The following LRTM1 variants were observed in gnomAD, a reference collection of about 807,000 sequenced individuals.
LRTM1 encodes leucine-rich repeat and transmembrane domain-containing protein 1.
Under a neutral mutation model 32.4 loss-of-function variants are expected in LRTM1, and 38 were observed. The observed-to-expected ratio is 1.17, with a 90% CI of 0.91 to 1.54. The LOEUF (loss-of-function observed/expected upper bound fraction) is 1.54, where lower values mean the gene tolerates loss of function less well. Ranked by LOEUF, LRTM1 falls within the 40% of genes most tolerant of loss-of-function variation. The pLI is 0.00. For synonymous variants in LRTM1, 186 were observed against 169.9 expected (o/e 1.09, Z -0.74); for missense variants, 466 against 415.4 (o/e 1.12, Z -1.06).
intron 1 of LRTM1, among the ~76,000 whole-genome samples, chr3:54,934,540 T>C (rs1381963016): frequency 6.6e-6 from 1 of 152,166 alleles, no homozygotes; most frequent in Non-Finnish European, 1.5e-5. Context: ...ATAAAATTAG[T>C]GGAGTAGTGG....
intron 1 of LRTM1, among the ~76,000 whole-genome samples, chr3:54,961,686 A>C (rs527299808): frequency 6.6e-6 from 1 of 152,268 alleles, no homozygotes; most frequent in South Asian, 2.1e-4. Context: ...AGCTGATGGC[A>C]CCAGTATCAT....
At chr3:54,951,167 G>T (rs1338416892) in intron 1 of LRTM1, among the ~76,000 whole-genome samples, 1 of 152,152 alleles carries the variant, frequency 6.6e-6, no homozygotes. Flanking sequence ...ATATTTTGGG[G>T]CATAACTACA....
At chr3:54,936,143 T>C (rs1701322738) in intron 1 of LRTM1, among the ~76,000 whole-genome samples, 1 of 151,806 alleles carries the variant, frequency 6.6e-6, no homozygotes, top group African/African-American at 2.4e-5. Flanking sequence ...TTAAACAGTT[T>C]TTTATCACGA....
At position 54,918,344 on chromosome 3, in the gene LRTM1, T is replaced by TTTTC. The variant is rs1476338919; in HGVS notation, c.*114_*115insGAAA. ...ATCTTTTTTTTTTCTTTTTTTTTTTTTTTTTTTTTTTGTCTTTTGGCAAAA... is the reference window on the plus strand; with the variant it reads ...ATCTTTTTTTTTTCTTTTTTTTTTTTTTTCTTTTTTTTTTTGTCTTTTGGCAAAA... On this transcript the variant is annotated 3_prime_UTR_variant, in exon 3 of 3. Coordinates refer to ENST00000273286, the MANE Select transcript of LRTM1 (RefSeq NM_020678.4). The TTTTC allele has an allele frequency of 5.2e-6, 2 of 384,056 alleles. No homozygotes were observed. The highest frequency in any genetic ancestry group is 8.2e-6 in the Non-Finnish European group (2 of 243,758). The allele number at this position is 384,056 out of a possible 1,614,324, so 23.8% of individuals were successfully genotyped here.
rs1192173914 is a variant in LRTM1, at chr3:54,926,546, ACACACACT to A, written c.8-1339_8-1332del. On this transcript the variant is annotated intron_variant, in intron 1 of 2. Coordinates refer to ENST00000273286, the MANE Select transcript of LRTM1 (RefSeq NM_020678.4). ...CACACACACACACACACACACACAC[ACACACACT>A]CTGTTTTACATAACACTTTTTAAAA... 7.7e-5 allele frequency among the ~76,000 whole-genome samples: 9 copies of A among 117,244 alleles called. No individual in the cohort carries two copies. The South Asian group carries it at 1.3e-3, about 17-fold the overall frequency. 76.9% of individuals were successfully genotyped at this position (117,244 alleles called of 152,430 possible).
chr3:54,941,705 T>C (rs1701470708), intron 1 of LRTM1, among the ~76,000 whole-genome samples: 1 of 152,224 alleles, frequency 6.6e-6, no homozygotes. Context: ...TTCTTCCTGC[T>C]AATGGGATCT....
In LRTM1 at chr3:54,918,677, TG is replaced by T; in HGVS notation, c.819del (p.Lys274AsnfsTer29). The T allele has an allele frequency of 6.2e-7, 1 of 1,614,212 alleles. No homozygotes were observed. Among genetic ancestry groups the T allele is most frequent in the East Asian group, 2.2e-5 (1 of 44,872 alleles). ...AGERELLECE[L>X]KPKPRPANLR... ...AGGTTGGCCGGCCTTGGCTTGGGTTTGAGCTCGCACTCCAAGAGTTCTCGCT... is the reference window on the plus strand; with the variant it reads ...AGGTTGGCCGGCCTTGGCTTGGGTTTAGCTCGCACTCCAAGAGTTCTCGCT... On this transcript the variant is annotated frameshift_variant, in exon 3 of 3. Transcript: ENST00000273286. LOFTEE classifies it high-confidence loss of function.
chr3:54,934,916 T>C (rs1701291648), intron 1 of LRTM1, among the ~76,000 whole-genome samples: 1 of 152,106 alleles, frequency 6.6e-6, no homozygotes, highest in Non-Finnish European at 1.5e-5. Context: ...ATTTATTTTC[T>C]AGTAGAGACA....
At chr3:54,924,560 T>A (rs909558845) in intron 2 of LRTM1, 59 bp downstream of exon 2, 14 of 1,338,280 alleles carry the variant, frequency 1.0e-5, no homozygotes, top group Non-Finnish European at 1.5e-5. Flanking sequence ...AGAGAACAGA[T>A]GAGATTCATC....
At chr3:54,961,705 G>A (rs964118437) in intron 1 of LRTM1, among the ~76,000 whole-genome samples, 3 of 152,176 alleles carry the variant, frequency 2.0e-5, no homozygotes, top group Non-Finnish European at 4.4e-5. Context: ...ATGGACAGCA[G>A]TCTTCTTGGG....
intron 1 of LRTM1, among the ~76,000 whole-genome samples, chr3:54,951,737 C>T (rs956294902): frequency 2.6e-5 from 4 of 152,226 alleles, no homozygotes; most frequent in Non-Finnish European, 5.9e-5. Flanking sequence ...AAAACATCTT[C>T]TCCCTTGCAG....
chr3:54,935,355 T>A (rs974945880), intron 1 of LRTM1, among the ~76,000 whole-genome samples: 4 of 152,184 alleles, frequency 2.6e-5, no homozygotes, highest in African/African-American at 9.7e-5. Flanking sequence ...TCAGGACATG[T>A]GTAAAGATAA....
chr3:54,955,315 T>C (rs576535979), intron 1 of LRTM1, among the ~76,000 whole-genome samples: 1 of 152,132 alleles, frequency 6.6e-6, no homozygotes, highest in African/African-American at 2.4e-5. Context: ...GGTAATCTCT[T>C]GAAGCTACTC....
intron 1 of LRTM1, among the ~76,000 whole-genome samples, chr3:54,960,324 T>C (rs1265582100): frequency 6.6e-6 from 1 of 152,142 alleles, no homozygotes; most frequent in East Asian, 1.9e-4. Context: ...TTTAAAAGCA[T>C]GTATAAGAAA....
intron 1 of LRTM1, among the ~76,000 whole-genome samples, chr3:54,946,581 A>G (rs924402586): frequency 1.3e-5 from 2 of 152,206 alleles, no homozygotes; most frequent in African/African-American, 4.8e-5. Context: ...GAAGAAGAGC[A>G]GGTTACTTTC....
At chr3:54,952,149 C>A (rs1392916674) in intron 1 of LRTM1, among the ~76,000 whole-genome samples, 3 of 152,178 alleles carry the variant, frequency 2.0e-5, no homozygotes, top group African/African-American at 7.2e-5. Context: ...CCTGGCTGGC[C>A]AGCTGTGTTT....
chr3:54,928,889 T>G (rs755260543), upstream of LRTM1, among the ~76,000 whole-genome samples: 1 of 152,196 alleles, frequency 6.6e-6, no homozygotes, highest in African/African-American at 2.4e-5. Flanking sequence ...TCTTCTCTAA[T>G]TGAAGCTTCA....
intron 1 of LRTM1, among the ~76,000 whole-genome samples, chr3:54,945,627 G>A (rs1308297423): frequency 1.3e-5 from 2 of 152,126 alleles, no homozygotes; most frequent in Admixed American, 6.5e-5. Flanking sequence ...GTGCCTCTCA[G>A]CCCACCCAAT....
intron 1 of LRTM1, among the ~76,000 whole-genome samples, chr3:54,937,107 C>T (rs1261330090): frequency 1.3e-5 from 2 of 152,158 alleles, no homozygotes; most frequent in Non-Finnish European, 2.9e-5. Flanking sequence ...TTGGTGCTTT[C>T]CACTTCTGAA....
Sources: allele counts gnomAD v4.1 joint callset (sites outside exome capture counted in the v4.1 genomes callset), GRCh38; gene constraint gnomAD v4.1.1; transcripts MANE v1.5; gene names NCBI Gene and HGNC (gene_info 2026-07-23, HGNC 2026-07-21).